The following PRKCB variants were observed in gnomAD, a reference collection of about 807,000 sequenced individuals.
PRKCB encodes protein kinase C beta.
Under a neutral mutation model 81.5 loss-of-function variants are expected in PRKCB, and 13 were observed. The observed-to-expected ratio is 0.16, with a 90% CI of 0.10 to 0.25. The LOEUF (loss-of-function observed/expected upper bound fraction) is 0.25. Among genes scored for constraint, PRKCB ranks in the 10% least tolerant of loss-of-function variants. PRKCB has a pLI of 1.00. For synonymous variants in PRKCB, 335 were observed against 321.4 expected (o/e 1.04, Z -0.45); for missense variants, 509 against 875.7 (o/e 0.58, Z 5.29).
At chr16:23,990,321 G>A (rs1392630102) in intron 3 of PRKCB, among the ~76,000 whole-genome samples, 10 of 152,132 alleles carry the variant, frequency 6.6e-5, no homozygotes, top group Admixed American at 5.2e-4. Context: ...AGCCAGGCAT[G>A]GTGGTGGGCG....
chr16:23,856,691 T>A (rs566714930), intron 2 of PRKCB, among the ~76,000 whole-genome samples: 1 of 152,198 alleles, frequency 6.6e-6, no homozygotes, highest in Admixed American at 6.5e-5. Flanking sequence ...GCCTGGCTAA[T>A]TTCTAAAACT....
At chr16:23,881,971 T>TTTA (rs1963116370) in intron 2 of PRKCB, among the ~76,000 whole-genome samples, 3 of 19,950 alleles carry the variant, frequency 1.5e-4, no homozygotes, top group Non-Finnish European at 3.9e-4. Context: ...TTTTCCTTTC[T>TTTA]TTCTTTCTTT....
intron 5 of PRKCB, among the ~76,000 whole-genome samples, chr16:24,053,497 C>T (rs1965866449): frequency 6.6e-6 from 1 of 152,152 alleles, no homozygotes; most frequent in African/African-American, 2.4e-5. Flanking sequence ...TTGTAGACCT[C>T]TGTTGTAGTG....
At chr16:23,987,795 GAAC>G (rs147920262) in intron 2 of PRKCB, among the ~76,000 whole-genome samples, 3,327 of 152,076 alleles carry the variant, frequency 0.022, 59 homozygotes, top group Middle Eastern at 0.068. Context: ...AAGATGATTT[GAAC>G]AACAACAACA....
At chr16:23,875,367 T>G (rs1597221529) in intron 2 of PRKCB, among the ~76,000 whole-genome samples, 1 of 152,060 alleles carries the variant, frequency 6.6e-6, no homozygotes, top group East Asian at 1.9e-4. Flanking sequence ...AAAAAAATAC[T>G]GGATGAGACA....
At chr16:24,147,022 C>A (rs1966999890) in intron 9 of PRKCB, among the ~76,000 whole-genome samples, 1 of 152,118 alleles carries the variant, frequency 6.6e-6, no homozygotes, top group South Asian at 2.1e-4. Flanking sequence ...AACTTCACAG[C>A]ATATGGCCGG....
intron 2 of PRKCB, among the ~76,000 whole-genome samples, chr16:23,944,104 G>T (rs1368073567): frequency 6.6e-6 from 1 of 152,118 alleles, no homozygotes; most frequent in Non-Finnish European, 1.5e-5. Flanking sequence ...AAAAGCTCTA[G>T]TACTGCCTGA....
intron 2 of PRKCB, among the ~76,000 whole-genome samples, chr16:23,970,132 T>A (rs2141801107): frequency 6.6e-6 from 1 of 152,314 alleles, no homozygotes; most frequent in East Asian, 1.9e-4. Flanking sequence ...GACAGGGTAT[T>A]AAAACGTGAC....
intron 5 of PRKCB, among the ~76,000 whole-genome samples, chr16:24,082,903 T>A (rs1009301060): frequency 6.6e-6 from 1 of 152,020 alleles, no homozygotes; most frequent in African/African-American, 2.4e-5. Context: ...AAACAAACTA[T>A]AAACTGGAAG....
intron 13 of PRKCB, among the ~76,000 whole-genome samples, chr16:24,183,283 G>A (rs1353904967): frequency 6.6e-6 from 1 of 152,094 alleles, no homozygotes; most frequent in African/African-American, 2.4e-5. Context: ...CATACATTGT[G>A]GAATGGCTAA....
intron 2 of PRKCB, among the ~76,000 whole-genome samples, chr16:23,897,853 C>T (rs939504225): frequency 1.3e-5 from 2 of 152,012 alleles, no homozygotes; most frequent in Non-Finnish European, 2.9e-5. Flanking sequence ...ACCCATCCAC[C>T]CACCCATCCA....
At chr16:23,879,415 G>A (rs948849530) in intron 2 of PRKCB, among the ~76,000 whole-genome samples, 3 of 150,682 alleles carry the variant, frequency 2.0e-5, no homozygotes, top group Non-Finnish European at 4.4e-5. Flanking sequence ...TCCTTGACAT[G>A]AATCTCCTGC....
chr16:24,069,910 G>A (rs1032400068), intron 5 of PRKCB, among the ~76,000 whole-genome samples: 4 of 152,150 alleles, frequency 2.6e-5, no homozygotes, highest in Non-Finnish European at 5.9e-5. Context: ...GGGTACTCCC[G>A]AGATGACGTG....
At chr16:24,147,323 C>A (rs1052939378) in intron 9 of PRKCB, among the ~76,000 whole-genome samples, 4 of 118,234 alleles carry the variant, frequency 3.4e-5, no homozygotes, top group Admixed American at 7.9e-5. Context: ...AAAAAAAAAA[C>A]TTCACAGCAT....
intron 16 of PRKCB, among the ~76,000 whole-genome samples, chr16:24,195,202 GAA>G (rs35292926): frequency 1.4e-5 from 2 of 144,206 alleles, no homozygotes; most frequent in African/African-American, 2.6e-5. Context: ...CCCTGTCTCA[GAA>G]AAAAAAAAAA....
chr16:24,148,577 T>C (rs1967028149), intron 9 of PRKCB, among the ~76,000 whole-genome samples: 1 of 152,242 alleles, frequency 6.6e-6, no homozygotes, highest in Non-Finnish European at 1.5e-5. Context: ...CAGTTGAAGC[T>C]TTAAACAATA....
At chr16:23,965,329 CT>C (rs1484762660) in intron 2 of PRKCB, among the ~76,000 whole-genome samples, 1 of 152,180 alleles carries the variant, frequency 6.6e-6, no homozygotes, top group East Asian at 1.9e-4. Flanking sequence ...TGGTTTCATT[CT>C]TTTTTATGCC....
rs750643405 is a variant in PRKCB, at chr16:23,879,871, G to A, written c.205+42465G>A. Among the ~76,000 whole-genome samples, 7 of 152,166 alleles carry A rather than the reference G, an allele frequency of 4.6e-5. No individual in the cohort carries two copies. In the South Asian group the frequency reaches 8.3e-4, roughly 18 times the overall value. On this transcript the variant is annotated intron_variant, in intron 2 of 16. Coordinates refer to ENST00000643927, the MANE Select transcript of PRKCB (RefSeq NM_002738.7). ...TCTTGGGCCATAGCTTCCTGAGTTCGAATCCTAGCTCTGCTGTTTTTTAAA... is the reference window on the plus strand; with the variant it reads ...TCTTGGGCCATAGCTTCCTGAGTTCAAATCCTAGCTCTGCTGTTTTTTAAA...
At chr16:24,086,004 G>C (rs1179201136) in intron 5 of PRKCB, among the ~76,000 whole-genome samples, 1 of 152,152 alleles carries the variant, frequency 6.6e-6, no homozygotes, top group African/African-American at 2.4e-5. Flanking sequence ...GGACTTTGAT[G>C]CTGGATGTGG....
Sources: allele counts gnomAD v4.1 joint callset (sites outside exome capture counted in the v4.1 genomes callset), GRCh38; gene constraint gnomAD v4.1.1; transcripts MANE v1.5; gene names NCBI Gene and HGNC (gene_info 2026-07-23, HGNC 2026-07-21).